KIF21A: variants seen among roughly 807,000 people sequenced by gnomAD.
KIF21A encodes the protein kinesin-like protein KIF21A.
KIF21A carries 114 observed loss-of-function variants against 202.9 expected under a neutral mutation model. The ratio of observed to expected loss-of-function variants is 0.56; its 90% CI spans 0.48 to 0.66. KIF21A has a LOEUF of 0.66. Among genes scored for constraint, KIF21A ranks in the 30% least tolerant of loss-of-function variants. The pLI, the probability that KIF21A is intolerant of heterozygous loss-of-function variation, is 0.00. For missense variants in KIF21A, 1,677 were observed against 1,994.9 expected (o/e 0.84, Z 3.04); for synonymous variants, 667 against 670.8 (o/e 0.99, Z 0.09).
Position 39,305,280 on chromosome 12 carries a change from C to A in KIF21A, c.4443-342G>T, listed in dbSNP as rs553302720. ...ACTCAGGAGGCTGAGGCAGGAGAATCGCTTGAATCTGGGGGTGGGAGGCTG... is the reference window on the plus strand; with the variant it reads ...ACTCAGGAGGCTGAGGCAGGAGAATAGCTTGAATCTGGGGGTGGGAGGCTG... On this transcript the variant is annotated intron_variant, in intron 34 of 37. Coordinates refer to ENST00000361418, the MANE Select transcript of KIF21A (RefSeq NM_001173464.2). Among the ~76,000 whole-genome samples, 8 of 149,096 alleles carry A rather than the reference C, an allele frequency of 5.4e-5. No homozygotes were observed. The South Asian group carries it at 1.7e-3, about 32-fold the overall frequency.
chr12:39,327,952 CCAAA>C (rs1946116898), intron 24 of KIF21A, among the ~76,000 whole-genome samples: 1 of 152,146 alleles, frequency 6.6e-6, no homozygotes, highest in Non-Finnish European at 1.5e-5. Context: ...TGGAAGTTAA[CCAAA>C]CAGTTGGATT....
At chr12:39,349,048 G>C (rs1227096940) in intron 11 of KIF21A, among the ~76,000 whole-genome samples, 1 of 151,868 alleles carries the variant, frequency 6.6e-6, no homozygotes, top group Non-Finnish European at 1.5e-5. Flanking sequence ...TTCAGGGTAG[G>C]GCAGAATTAC....
intron 2 of KIF21A, 55 bp downstream of exon 2, chr12:39,369,984 C>T (rs1949846641): frequency 3.8e-6 from 6 of 1,589,634 alleles, no homozygotes; most frequent in Non-Finnish European, 5.2e-6. Context: ...GAAAGCGCAA[C>T]TGAATTAACA....
chr12:39,354,873 C>A lies in KIF21A; in HGVS notation c.1469+1959G>T, dbSNP rs887481276. Among the ~76,000 whole-genome samples, 8 of 152,258 alleles carry A rather than the reference C, an allele frequency of 5.3e-5. No homozygotes were observed. The South Asian group carries it at 1.0e-3, about 20-fold the overall frequency. On this transcript the variant is annotated intron_variant, in intron 10 of 37. Coordinates refer to ENST00000361418, the MANE Select transcript of KIF21A (RefSeq NM_001173464.2). ...CCCCATAATAACTCTCTGAGATTAGCAGGTATTATCTCATTCTTACAGATG... is the reference window on the plus strand; with the variant it reads ...CCCCATAATAACTCTCTGAGATTAGAAGGTATTATCTCATTCTTACAGATG...
rs754357060 is a variant in KIF21A, at chr12:39,370,029, T to A, written c.267+10A>T. On this transcript the variant is annotated intron_variant, in intron 2 of 37. Coordinates refer to ENST00000361418, the MANE Select transcript of KIF21A (RefSeq NM_001173464.2). ...AGTTTCAACTCCTATGAAAATAATATGGCACTTACTTGTCCATAAGCAAAA... is the reference window on the plus strand; with the variant it reads ...AGTTTCAACTCCTATGAAAATAATAAGGCACTTACTTGTCCATAAGCAAAA... 6.2e-7 allele frequency: 1 copy of A among 1,607,624 alleles called. No individual in the cohort carries two copies. The highest frequency in any genetic ancestry group is 8.5e-7 in the Non-Finnish European group (1 of 1,174,292).
intron 7 of KIF21A, 134 bp from the exon 8 acceptor site, chr12:39,358,507 C>G (rs908298124): frequency 1.3e-6 from 1 of 783,156 alleles, no homozygotes; most frequent in South Asian, 1.5e-5. Flanking sequence ...TTTAAAAGCC[C>G]CTGTACTTGA....
chr12:39,418,021 A>G (rs968939782), intron 1 of KIF21A, among the ~76,000 whole-genome samples: 1 of 152,044 alleles, frequency 6.6e-6, no homozygotes, highest in African/African-American at 2.4e-5. Context: ...CAGCCCAGGC[A>G]ACATGGTGCA....
intron 4 of KIF21A, among the ~76,000 whole-genome samples, chr12:39,367,675 A>G (rs1949690082): frequency 6.6e-6 from 1 of 152,184 alleles, no homozygotes; most frequent in Non-Finnish European, 1.5e-5. Context: ...TTTTGATGCT[A>G]TGACAAATAT....
At chr12:39,436,838 T>G (rs1355252203) in intron 1 of KIF21A, among the ~76,000 whole-genome samples, 1 of 152,106 alleles carries the variant, frequency 6.6e-6, no homozygotes, top group Non-Finnish European at 1.5e-5. Flanking sequence ...CCAAGTTGAA[T>G]CCACAAATCC....
chr12:39,381,135 C>A (rs946177458), intron 1 of KIF21A, among the ~76,000 whole-genome samples: 1 of 151,756 alleles, frequency 6.6e-6, no homozygotes, highest in African/African-American at 2.4e-5. Context: ...GAAACCCCGT[C>A]TCTACTAAAA....
At chr12:39,396,255 G>C (rs1465484240) in intron 1 of KIF21A, among the ~76,000 whole-genome samples, 1 of 152,040 alleles carries the variant, frequency 6.6e-6, no homozygotes, top group Non-Finnish European at 1.5e-5. Flanking sequence ...AATGCTTTTT[G>C]GTTTGCTGGC....
intron 1 of KIF21A, among the ~76,000 whole-genome samples, chr12:39,441,660 T>TAAAAAAAAAAAAAAAAAAAA (rs56245570): frequency 0.017 from 640 of 37,528 alleles, 111 homozygotes; most frequent in Admixed American, 0.019. Flanking sequence ...CCCTGGGTGG[T>TAAAAAAAAAAAAAAAAAAAA]AAAAAAAAAA....
chr12:39,355,712 T>C (rs1010268750), intron 10 of KIF21A, among the ~76,000 whole-genome samples: 13 of 137,402 alleles, frequency 9.5e-5, no homozygotes, highest in African/African-American at 3.5e-4. Context: ...AACAATTATA[T>C]ATATATATAT....
intron 3 of KIF21A, 141 bp downstream of exon 3, chr12:39,369,588 T>C: frequency 6.2e-6 from 4 of 644,894 alleles, no homozygotes; most frequent in Non-Finnish European, 5.3e-6. Context: ...TTATTTCTAC[T>C]ATCTAATGTT....
At chr12:39,399,152 G>A (rs1472643073) in intron 1 of KIF21A, among the ~76,000 whole-genome samples, 3 of 152,198 alleles carry the variant, frequency 2.0e-5, no homozygotes, top group East Asian at 1.9e-4. Flanking sequence ...CAAGGATGTC[G>A]AGGCTACAGT....
At chr12:39,416,670 T>C (rs1953665040) in intron 1 of KIF21A, among the ~76,000 whole-genome samples, 2 of 140,032 alleles carry the variant, frequency 1.4e-5, no homozygotes, top group Non-Finnish European at 1.5e-5. Context: ...TATATATATA[T>C]GTACATATAT....
intron 1 of KIF21A, among the ~76,000 whole-genome samples, chr12:39,390,692 G>GA (rs1018412939): frequency 2.0e-5 from 3 of 151,580 alleles, no homozygotes; most frequent in African/African-American, 4.8e-5. Context: ...TTTAAAGAAG[G>GA]AAAAAAATAT....
chr12:39,440,735 C>T (rs376460815), intron 1 of KIF21A, among the ~76,000 whole-genome samples: 1 of 152,110 alleles, frequency 6.6e-6, no homozygotes, highest in Admixed American at 6.6e-5. Flanking sequence ...TGAAAGAAAT[C>T]CCCGATTTAT....
chr12:39,313,495 T>C (rs1258826196), intron 31 of KIF21A, among the ~76,000 whole-genome samples: 1 of 151,872 alleles, frequency 6.6e-6, no homozygotes, highest in Non-Finnish European at 1.5e-5. Context: ...AATGATATCC[T>C]TGTGGACAAT....
Sources: gnomAD v4.1 joint callset for allele counts (sites outside exome capture counted in the v4.1 genomes callset) on GRCh38, gnomAD v4.1.1 for gene constraint, MANE v1.5 for transcripts, NCBI Gene and HGNC (gene_info 2026-07-23, HGNC 2026-07-21) for gene names.